CNTNAP2: variants seen among roughly 807,000 people sequenced by gnomAD.
CNTNAP2 encodes the protein contactin-associated protein-like 2.
CNTNAP2 carries 98 observed loss-of-function variants against 155.2 expected under a neutral mutation model. That is an observed-to-expected ratio of 0.63 (90% CI 0.54 to 0.75). CNTNAP2 has a LOEUF of 0.75. Among genes scored for constraint, CNTNAP2 ranks in the 30% least tolerant of loss-of-function variants. The pLI, the probability that CNTNAP2 is intolerant of heterozygous loss-of-function variation, is 0.00. For missense variants in CNTNAP2, 1,727 were observed against 1,688.1 expected, an observed-to-expected ratio of 1.02 and a Z score of -0.40; for synonymous variants, 651 against 631.2, an observed-to-expected ratio of 1.03 and a Z score of -0.47.
intron 1 of CNTNAP2, among the ~76,000 whole-genome samples, chr7:146,608,259 A>G (rs1172638447): frequency 1.3e-5 from 2 of 152,018 alleles, no homozygotes; most frequent in Non-Finnish European, 2.9e-5. Context: ...CAGGTTTAAA[A>G]CTCTTTAAGG....
chr7:147,252,816 T>C (rs1584821384), intron 8 of CNTNAP2, among the ~76,000 whole-genome samples: 2 of 152,204 alleles, frequency 1.3e-5, no homozygotes, highest in African/African-American at 4.8e-5. Flanking sequence ...AATTACTCTA[T>C]GATGTAGGTA....
intron 10 of CNTNAP2, among the ~76,000 whole-genome samples, chr7:147,413,737 C>A (rs1249643854): frequency 1.3e-5 from 2 of 152,114 alleles, no homozygotes; most frequent in African/African-American, 4.8e-5. Flanking sequence ...CTTCAAAATG[C>A]TGTTGCTGCA....
At chr7:147,036,913 G>GA (rs1799160957) in intron 3 of CNTNAP2, among the ~76,000 whole-genome samples, 1 of 152,024 alleles carries the variant, frequency 6.6e-6, no homozygotes, top group Non-Finnish European at 1.5e-5. Context: ...CAAGTGATAT[G>GA]AAAAAATGCT....
chr7:147,246,899 A>C (rs1345646937), intron 8 of CNTNAP2, among the ~76,000 whole-genome samples: 1 of 152,214 alleles, frequency 6.6e-6, no homozygotes, highest in Non-Finnish European at 1.5e-5. Context: ...AAAATGAAAG[A>C]AAGGCAAATT....
chr7:146,677,670 A>T (rs1800425412), intron 1 of CNTNAP2, among the ~76,000 whole-genome samples: 1 of 147,106 alleles, frequency 6.8e-6, no homozygotes, highest in African/African-American at 2.5e-5. Context: ...GTTATAAGTG[A>T]GAACATGCTA....
At position 146,322,664 on chromosome 7, in the gene CNTNAP2, C is replaced by T. The variant is rs139400675; in HGVS notation, c.97+205691C>T. Among the ~76,000 whole-genome samples the T allele has an allele frequency of 2.0e-3, 78 of 38,794 alleles. 1 individual carries two copies. Among genetic ancestry groups the T allele is most frequent in the African/African-American group, 5.6e-3 (65 of 11,536 alleles). The allele number at this position is 38,794 out of a possible 152,430, so 25.5% of individuals were successfully genotyped here. A position where few individuals can be genotyped will look rare whatever the true frequency, so the allele number is the denominator to read the frequency against. On this transcript the variant is annotated intron_variant, in intron 1 of 23. Coordinates refer to ENST00000361727, the MANE Select transcript of CNTNAP2 (RefSeq NM_014141.6). The stretch of plus-strand genomic sequence containing the variant: ...TTTTTTTTTTTTTTGCTGGCTATGA[C>T]GGTAACTGACACTCAGTAGGTCTTC...
At chr7:147,524,939 A>T (rs1195198918) in intron 11 of CNTNAP2, among the ~76,000 whole-genome samples, 1 of 152,182 alleles carries the variant, frequency 6.6e-6, no homozygotes, top group African/African-American at 2.4e-5. Context: ...GACTCCAAGC[A>T]CTTACACATG....
chr7:148,163,482 G>A (rs1345682760), intron 17 of CNTNAP2, among the ~76,000 whole-genome samples: 1 of 152,116 alleles, frequency 6.6e-6, no homozygotes, highest in Admixed American at 6.5e-5. Context: ...TGGACACATA[G>A]GAGTGCTTTA....
In CNTNAP2 at chr7:147,639,291, T is replaced by C; in HGVS notation, c.2083T>C (p.Leu695=). The C allele has an allele frequency of 2.5e-6, 4 of 1,614,038 alleles. No individual in the cohort carries two copies. The highest frequency in any genetic ancestry group is 2.5e-6 in the Non-Finnish European group (3 of 1,179,972). ...CTCCTATTTCTGCAAGATGTCAAGA[T>C]TGTTGAACACCCCAGGTAGGCTGAG... ...YVSYFCKMSR[L]LNTPDGSPYT... The change falls in exon 13 of 24, where the codon TTG becomes CTG. Residue 695 remains leucine (L), a synonymous_variant. Coordinates refer to ENST00000361727, the MANE Select transcript of CNTNAP2 (RefSeq NM_014141.6).
chr7:147,332,284 TACAG>T (rs1795583946), intron 9 of CNTNAP2, among the ~76,000 whole-genome samples: 1 of 152,184 alleles, frequency 6.6e-6, no homozygotes, highest in African/African-American at 2.4e-5. Context: ...CATTTGAAGA[TACAG>T]AAAAGAGGGC....
At chr7:146,808,473 C>T (rs1803007406) in intron 2 of CNTNAP2, among the ~76,000 whole-genome samples, 1 of 152,118 alleles carries the variant, frequency 6.6e-6, no homozygotes, top group African/African-American at 2.4e-5. Context: ...TGATTTTGCT[C>T]ACTTCTGACT....
chr7:148,108,692 G>A (rs1184385547), intron 15 of CNTNAP2, among the ~76,000 whole-genome samples: 4 of 152,178 alleles, frequency 2.6e-5, no homozygotes, highest in African/African-American at 4.8e-5. Context: ...ACAGAGGCTG[G>A]AAGGTGCAGG....
At chr7:146,962,104 A>G (rs964566209) in intron 3 of CNTNAP2, among the ~76,000 whole-genome samples, 2 of 151,476 alleles carry the variant, frequency 1.3e-5, no homozygotes, top group African/African-American at 4.9e-5. Flanking sequence ...TTCATTCAGT[A>G]TAATTTGTTT....
At chr7:147,942,057 A>T (rs1800733200) in intron 14 of CNTNAP2, among the ~76,000 whole-genome samples, 1 of 152,170 alleles carries the variant, frequency 6.6e-6, no homozygotes, top group South Asian at 2.1e-4. Context: ...ATGTGGCATC[A>T]GTTTTTCTCT....
rs545773257 is a variant in CNTNAP2 at position 147,825,819 on chromosome 7, T to G, written c.2099-77746T>G. Among the ~76,000 whole-genome samples the G allele has an allele frequency of 2.0e-5, 3 of 152,264 alleles. 1 individual carries two copies. The South Asian group carries it at 6.2e-4, about 32-fold the overall frequency. On this transcript the variant is annotated intron_variant, in intron 13 of 23. Transcript: ENST00000361727. ...ACAGTTGGAGGGCAACAGAGATCTC[T>G]CTGCACTGAGGAGGCCAAGGAAGGC... is the stretch of plus-strand genomic sequence containing the variant.
At chr7:147,684,211 C>T (rs551433138) in intron 13 of CNTNAP2, among the ~76,000 whole-genome samples, 1 of 151,772 alleles carries the variant, frequency 6.6e-6, no homozygotes, top group African/African-American at 2.4e-5. Context: ...TAAAATGTTA[C>T]AAGAGCTGCT....
At chr7:147,380,793 G>C (rs995128622) in intron 9 of CNTNAP2, among the ~76,000 whole-genome samples, 1 of 152,112 alleles carries the variant, frequency 6.6e-6, no homozygotes, top group African/African-American at 2.4e-5. Context: ...TTTCCTACTA[G>C]TTGGGATTGT....
At chr7:146,705,573 T>C (rs1335916524) in intron 1 of CNTNAP2, among the ~76,000 whole-genome samples, 1 of 151,892 alleles carries the variant, frequency 6.6e-6, no homozygotes, top group Non-Finnish European at 1.5e-5. Flanking sequence ...AAAATATACC[T>C]GAGACTGGAT....
At chr7:146,475,013 G>GCGCGCGCGCACACA (rs71525954) in intron 1 of CNTNAP2, among the ~76,000 whole-genome samples, 5 of 144,302 alleles carry the variant, frequency 3.5e-5, no homozygotes, top group African/African-American at 7.9e-5. Context: ...GCGCGCGCGC[G>GCGCGCGCGCACACA]CACACACACA....
Sources: gnomAD v4.1 joint callset for allele counts (sites outside exome capture counted in the v4.1 genomes callset) on GRCh38, gnomAD v4.1.1 for gene constraint, MANE v1.5 for transcripts, NCBI Gene and HGNC (gene_info 2026-07-23, HGNC 2026-07-21) for gene names.